Variants in KCNH7 observed in about 807,000 individuals in gnomAD.
The protein encoded by KCNH7 is voltage-gated inwardly rectifying potassium channel KCNH7.
KCNH7 carries 49 observed loss-of-function variants against 120.8 expected under a neutral mutation model. The ratio of observed to expected loss-of-function variants is 0.41; its 90% confidence interval spans 0.32 to 0.51. The LOEUF is 0.51. KCNH7 is among the 20% of genes least tolerant of loss of function. The probability of loss-of-function intolerance (pLI) is 0.38; values close to 1 mark genes in which losing one functional copy is unlikely to be tolerated. For synonymous variants in KCNH7, 547 were observed against 516.1 expected, an observed-to-expected ratio of 1.06 and a Z score of -0.81; for missense variants, 1,097 against 1,446.6, an observed-to-expected ratio of 0.76 and a Z score of 3.92.
Position 162,477,850 on chromosome 2 carries a change from A to G in KCNH7, c.1128+26593T>C, listed in dbSNP as rs537583594. ...CATCCATCCATCCATCCATCCATCC[A>G]TCCATCCATTTGCCCACCCACCCAA... On this transcript the variant is annotated intron_variant, in intron 6 of 15. Transcript: ENST00000332142. Among the ~76,000 whole-genome samples the G allele has an allele frequency of 5.9e-5, 9 of 152,024 alleles. No homozygotes were observed. In the East Asian group the frequency reaches 1.7e-3, roughly 29 times the overall value.
chr2:162,417,302 C>A (rs1316883343), intron 9 of KCNH7, among the ~76,000 whole-genome samples: 3 of 152,090 alleles, frequency 2.0e-5, no homozygotes, highest in Admixed American at 2.0e-4. Context: ...TATAACTGAA[C>A]TTTGATGATC....
intron 2 of KCNH7, among the ~76,000 whole-genome samples, chr2:162,699,974 CT>C (rs893548947): frequency 4.0e-5 from 6 of 151,598 alleles, no homozygotes; most frequent in East Asian, 1.9e-4. Flanking sequence ...AGAAAAATTA[CT>C]TTTTTTTTCA....
At chr2:162,577,105 A>G (rs539743602) in intron 2 of KCNH7, among the ~76,000 whole-genome samples, 1 of 151,740 alleles carries the variant, frequency 6.6e-6, no homozygotes, top group South Asian at 2.1e-4. Context: ...TTTTTTGTAG[A>G]AATTGGGTCT....
intron 2 of KCNH7, among the ~76,000 whole-genome samples, chr2:162,713,399 T>A (rs1018540901): frequency 2.6e-5 from 4 of 152,144 alleles, no homozygotes; most frequent in Non-Finnish European, 4.4e-5. Flanking sequence ...AGTATTTTGA[T>A]CCCAAACTGT....
intron 2 of KCNH7, among the ~76,000 whole-genome samples, chr2:162,561,004 C>A (rs1211176569): frequency 1.3e-5 from 2 of 151,752 alleles, no homozygotes; most frequent in African/African-American, 4.8e-5. Flanking sequence ...TTATATGGAA[C>A]TATAGTAGTT....
At chr2:162,440,336 C>A (rs1305050489) in intron 7 of KCNH7, among the ~76,000 whole-genome samples, 1 of 151,898 alleles carries the variant, frequency 6.6e-6, no homozygotes, top group Non-Finnish European at 1.5e-5. Context: ...CATCACTTGT[C>A]CTTTTTGTCA....
At chr2:162,378,245 G>A (rs1423954505) in intron 14 of KCNH7, among the ~76,000 whole-genome samples, 2 of 152,180 alleles carry the variant, frequency 1.3e-5, no homozygotes, top group Non-Finnish European at 2.9e-5. Flanking sequence ...GGGTAGGTAT[G>A]AGTCAAAGTA....
At chr2:162,612,950 A>G (rs559872027) in intron 2 of KCNH7, among the ~76,000 whole-genome samples, 1 of 152,180 alleles carries the variant, frequency 6.6e-6, no homozygotes, top group African/African-American at 2.4e-5. Flanking sequence ...ACAGAGATAC[A>G]AAATGAAAAA....
intron 2 of KCNH7, among the ~76,000 whole-genome samples, chr2:162,617,471 T>C (rs938241782): frequency 2.6e-5 from 4 of 151,754 alleles, no homozygotes; most frequent in Admixed American, 2.6e-4. Flanking sequence ...AGAGCGAGAT[T>C]CCATCTCAAA....
chr2:162,499,223 G>A (rs956061674), intron 6 of KCNH7, among the ~76,000 whole-genome samples: 1 of 152,106 alleles, frequency 6.6e-6, no homozygotes, highest in Non-Finnish European at 1.5e-5. Context: ...GTGCAAAAGT[G>A]TGGTTCACTT....
chr2:162,832,567 A>C (rs749371333), intron 2 of KCNH7, among the ~76,000 whole-genome samples: 4 of 151,948 alleles, frequency 2.6e-5, no homozygotes, highest in Non-Finnish European at 4.4e-5. Context: ...TTTTTCCATT[A>C]AAAATAATTT....
intron 6 of KCNH7, among the ~76,000 whole-genome samples, chr2:162,449,485 G>A (rs1292408561): frequency 6.6e-6 from 1 of 152,006 alleles, no homozygotes; most frequent in African/African-American, 2.4e-5. Flanking sequence ...TGGAAAGAGG[G>A]TTTTTGTAGA....
At chr2:162,580,338 A>G (rs1347335142) in intron 2 of KCNH7, among the ~76,000 whole-genome samples, 4 of 152,076 alleles carry the variant, frequency 2.6e-5, no homozygotes, top group Non-Finnish European at 5.9e-5. Flanking sequence ...CTTCAGGAAG[A>G]TATATTTTAT....
At chr2:162,437,318 T>G (rs777597060) in intron 7 of KCNH7, among the ~76,000 whole-genome samples, 2 of 152,120 alleles carry the variant, frequency 1.3e-5, no homozygotes, top group Non-Finnish European at 2.9e-5. Flanking sequence ...TTTGGGGATG[T>G]TTAGAGAGGT....
intron 2 of KCNH7, among the ~76,000 whole-genome samples, chr2:162,620,672 TG>T (rs907742360): frequency 1.3e-4 from 20 of 152,182 alleles, no homozygotes; most frequent in African/African-American, 4.8e-4. Flanking sequence ...ATCTTTTTTA[TG>T]GGGTCTCACA....
chr2:162,511,472 G>T (rs921701976), intron 5 of KCNH7, among the ~76,000 whole-genome samples: 222 of 110,380 alleles, frequency 2.0e-3, no homozygotes, highest in Non-Finnish European at 3.5e-3. Context: ...AAATCACAGT[G>T]GACAGGTCAA....
At chr2:162,720,019 G>A (rs1477044712) in intron 2 of KCNH7, among the ~76,000 whole-genome samples, 3 of 151,944 alleles carry the variant, frequency 2.0e-5, no homozygotes, top group Non-Finnish European at 4.4e-5. Context: ...TTGAGACAAT[G>A]GTCATACATA....
intron 13 of KCNH7, among the ~76,000 whole-genome samples, chr2:162,384,412 A>G (rs1443218176): frequency 6.6e-6 from 1 of 151,880 alleles, no homozygotes; most frequent in Admixed American, 6.6e-5. Flanking sequence ...TGAAATTACT[A>G]CAACAGACTT....
At chr2:162,408,422 C>T (rs761009586) in intron 9 of KCNH7, among the ~76,000 whole-genome samples, 6 of 151,844 alleles carry the variant, frequency 4.0e-5, no homozygotes, top group Non-Finnish European at 7.4e-5. Context: ...TAACAAATTC[C>T]CCTCCTATAA....
Sources: gnomAD v4.1 joint callset for allele counts (sites outside exome capture counted in the v4.1 genomes callset) on GRCh38, gnomAD v4.1.1 for gene constraint, MANE v1.5 for transcripts, NCBI Gene and HGNC (gene_info 2026-07-23, HGNC 2026-07-21) for gene names.